The following KCTD16 variants were observed in gnomAD, a reference collection of about 807,000 sequenced individuals.
The protein encoded by KCTD16 is BTB/POZ domain-containing protein KCTD16.
A neutral mutation model predicts 33.2 loss-of-function variants in KCTD16; 13 were observed. The ratio of observed to expected loss-of-function variants is 0.39; its 90% CI spans 0.25 to 0.62. The LOEUF (loss-of-function observed/expected upper bound fraction) is 0.62. Among genes scored for constraint, KCTD16 ranks in the 20% least tolerant of loss-of-function variants. KCTD16 has a pLI of 0.50. For missense variants in KCTD16, 441 were observed against 525.1 expected (o/e 0.84, Z 1.57); for synonymous variants, 197 against 195.3 (o/e 1.01, Z -0.07).
intron 3 of KCTD16, among the ~76,000 whole-genome samples, chr5:144,219,214 TA>T (rs1463276441): frequency 6.6e-6 from 1 of 152,050 alleles, no homozygotes; most frequent in Non-Finnish European, 1.5e-5. Flanking sequence ...TTTATTTTTT[TA>T]TTTTTTTTAT....
chr5:144,468,112 A>G (rs1009154767), intron 3 of KCTD16, among the ~76,000 whole-genome samples: 1 of 152,146 alleles, frequency 6.6e-6, no homozygotes, highest in Admixed American at 6.5e-5. Flanking sequence ...TGCTTCAGAA[A>G]CATCAGCACC....
chr5:144,343,011 G>A lies in KCTD16; in HGVS notation c.833-130649G>A, dbSNP rs561798091. 4.6e-5 allele frequency among the ~76,000 whole-genome samples: 7 copies of A among 152,294 alleles called. No homozygotes were observed. The South Asian group carries it at 1.2e-3, about 27-fold the overall frequency. ...TTTTATTGAGGATTTTTGCATCAATGTTCATCAAGGATATTGGTCTAAAAT... is the reference window on the plus strand; with the variant it reads ...TTTTATTGAGGATTTTTGCATCAATATTCATCAAGGATATTGGTCTAAAAT... On this transcript the variant is annotated intron_variant, in intron 3 of 3. Coordinates refer to ENST00000512467, the MANE Select transcript of KCTD16 (RefSeq NM_020768.4).
chr5:144,424,271 T>C (rs188890560), intron 3 of KCTD16, among the ~76,000 whole-genome samples: 4 of 152,326 alleles, frequency 2.6e-5, no homozygotes, highest in Admixed American at 6.5e-5. Flanking sequence ...TGAAACATAA[T>C]TGGGTTAATT....
At chr5:144,336,555 A>G (rs1240602794) in intron 3 of KCTD16, among the ~76,000 whole-genome samples, 2 of 152,172 alleles carry the variant, frequency 1.3e-5, no homozygotes, top group Non-Finnish European at 2.9e-5. Flanking sequence ...GCCTGTGATC[A>G]TCAATGCTAT....
chr5:144,210,622 G>C (rs2126793545), intron 3 of KCTD16, among the ~76,000 whole-genome samples: 1 of 152,196 alleles, frequency 6.6e-6, no homozygotes, highest in East Asian at 1.9e-4. Context: ...TAAATAAAAT[G>C]AGAACTATGT....
At chr5:144,412,051 G>T (rs1480204994) in intron 3 of KCTD16, among the ~76,000 whole-genome samples, 1 of 152,172 alleles carries the variant, frequency 6.6e-6, no homozygotes, top group East Asian at 1.9e-4. Context: ...TGTGGGGAAA[G>T]GTGAATGCTT....
At chr5:144,310,014 T>A (rs1751717665) in intron 3 of KCTD16, among the ~76,000 whole-genome samples, 1 of 150,710 alleles carries the variant, frequency 6.6e-6, no homozygotes, top group African/African-American at 2.5e-5. Context: ...ATGTTTTGTT[T>A]TAAGCCAGCA....
At chr5:144,321,545 C>G (rs969503626) in intron 3 of KCTD16, among the ~76,000 whole-genome samples, 6 of 152,148 alleles carry the variant, frequency 3.9e-5, no homozygotes, top group African/African-American at 1.4e-4. Context: ...TTAAAACCGT[C>G]TAGGTTAGCT....
chr5:144,410,078 A>G (rs1470880686), intron 3 of KCTD16, among the ~76,000 whole-genome samples: 1 of 152,188 alleles, frequency 6.6e-6, no homozygotes, highest in Non-Finnish European at 1.5e-5. Context: ...ATGGGACAGA[A>G]AGCATGACTT....
At chr5:144,387,158 T>A (rs1752343130) in intron 3 of KCTD16, among the ~76,000 whole-genome samples, 1 of 149,276 alleles carries the variant, frequency 6.7e-6, no homozygotes, top group Admixed American at 6.6e-5. Context: ...TTTTTTTTTT[T>A]TGAGAGACAG....
At chr5:144,235,115 T>G (rs137903417) in intron 3 of KCTD16, among the ~76,000 whole-genome samples, 3 of 152,186 alleles carry the variant, frequency 2.0e-5, no homozygotes, top group Non-Finnish European at 4.4e-5. Context: ...GTTGATGGAA[T>G]AAAATGTTCT....
chr5:144,412,220 T>C (rs896096531), intron 3 of KCTD16, among the ~76,000 whole-genome samples: 1 of 152,166 alleles, frequency 6.6e-6, no homozygotes, highest in Non-Finnish European at 1.5e-5. Context: ...ATATCGGCAC[T>C]CCCATGTTTA....
At chr5:144,213,378 T>A (rs1753458821) in intron 3 of KCTD16, among the ~76,000 whole-genome samples, 1 of 148,362 alleles carries the variant, frequency 6.7e-6, no homozygotes, top group East Asian at 1.9e-4. Context: ...CCCTTCTTTC[T>A]CTTTCTTTCT....
chr5:144,427,535 T>C (rs76650254), intron 3 of KCTD16, among the ~76,000 whole-genome samples: 5 of 152,186 alleles, frequency 3.3e-5, no homozygotes, highest in Non-Finnish European at 7.4e-5. Context: ...TTGAATCTGA[T>C]ATCAGCTATT....
rs553972341 is a variant in KCTD16, at chr5:144,449,467, G to T, written c.833-24193G>T. On this transcript the variant is annotated intron_variant, in intron 3 of 3. Transcript: ENST00000512467. Reference sequence around the variant, plus strand: ...AGTGATCTTGTGAAAGAACAAAGTTGATGGTATCAGACTTCCTAGTTTCAA... The same window carrying T: ...AGTGATCTTGTGAAAGAACAAAGTTTATGGTATCAGACTTCCTAGTTTCAA... Among the ~76,000 whole-genome samples, 81 of 152,054 alleles carry T rather than the reference G, an allele frequency of 5.3e-4. No individual in the cohort carries two copies. The South Asian group carries it at 6.8e-3, about 13-fold the overall frequency.
intron 3 of KCTD16, among the ~76,000 whole-genome samples, chr5:144,299,679 T>G (rs1751371486): frequency 6.6e-6 from 1 of 152,030 alleles, no homozygotes; most frequent in African/African-American, 2.4e-5. Context: ...ATTGTTTTGG[T>G]AAGGTAGGGC....
intron 3 of KCTD16, among the ~76,000 whole-genome samples, chr5:144,265,861 G>A (rs935111273): frequency 4.6e-5 from 7 of 152,076 alleles, no homozygotes; most frequent in African/African-American, 4.8e-5. Context: ...TGCCAAGTTC[G>A]TACAGGGATA....
chr5:144,261,192 A>T (rs1207894755), intron 3 of KCTD16, among the ~76,000 whole-genome samples: 4 of 151,494 alleles, frequency 2.6e-5, no homozygotes, highest in Admixed American at 2.6e-4. Flanking sequence ...AAAGAAAAAA[A>T]AAAAAGGAAC....
intron 3 of KCTD16, among the ~76,000 whole-genome samples, chr5:144,308,136 T>C (rs972053488): frequency 4.6e-5 from 7 of 152,204 alleles, no homozygotes; most frequent in African/African-American, 1.4e-4. Flanking sequence ...GGCAGCCTTA[T>C]TAATAGCTAG....
Sources: allele counts gnomAD v4.1 joint callset (sites outside exome capture counted in the v4.1 genomes callset), GRCh38; gene constraint gnomAD v4.1.1; transcripts MANE v1.5; gene names NCBI Gene and HGNC (gene_info 2026-07-23, HGNC 2026-07-21).